The following TIMP2 variants were observed in gnomAD, a reference collection of about 807,000 sequenced individuals.
TIMP2 encodes metalloproteinase inhibitor 2.
A neutral mutation model predicts 24.3 loss-of-function variants in TIMP2; 5 were observed. That is an observed-to-expected ratio of 0.21 (90% CI 0.11 to 0.43). The LOEUF (loss-of-function observed/expected upper bound fraction) is 0.43, where lower values mean the gene tolerates loss of function less well. TIMP2 is among the 20% of genes least tolerant of loss of function. TIMP2 has a pLI of 1.00. For missense variants in TIMP2, 221 were observed against 297.5 expected, an observed-to-expected ratio of 0.74 and a Z score of 1.89; for synonymous variants, 130 against 123.2, an observed-to-expected ratio of 1.06 and a Z score of -0.37.
At chr17:78,918,072 A>G (rs954214969) in intron 1 of TIMP2, among the ~76,000 whole-genome samples, 1 of 106,190 alleles carries the variant, frequency 9.4e-6, no homozygotes, top group African/African-American at 3.5e-5. Flanking sequence ...ACAAACACAC[A>G]CACACACACA....
chr17:78,861,827 T>C (rs567722894), intron 3 of TIMP2, among the ~76,000 whole-genome samples: 1 of 152,240 alleles, frequency 6.6e-6, no homozygotes, highest in Non-Finnish European at 1.5e-5. Flanking sequence ...GGTCTTGAAC[T>C]CCTGACTTCA....
chr17:78,876,206 C>G (rs1256773967), intron 1 of TIMP2, among the ~76,000 whole-genome samples: 1 of 152,084 alleles, frequency 6.6e-6, no homozygotes, highest in East Asian at 1.9e-4. Context: ...AAAATATGAG[C>G]GCCTTTGCAA....
At chr17:78,923,398 G>GC (rs1329123602) in intron 1 of TIMP2, among the ~76,000 whole-genome samples, 1 of 59,510 alleles carries the variant, frequency 1.7e-5, no homozygotes, top group Non-Finnish European at 4.2e-5. Context: ...GGGCGGGGTG[G>GC]GGGGGGGGGC....
At chr17:78,888,446 C>T (rs2069846552) in intron 1 of TIMP2, among the ~76,000 whole-genome samples, 2 of 151,702 alleles carry the variant, frequency 1.3e-5, no homozygotes, top group African/African-American at 4.9e-5. Context: ...AGGTGTGAGC[C>T]ACCGCGTCCA....
At position 78,870,923 on chromosome 17, in the gene TIMP2, T is replaced by A; in HGVS notation, c.315A>T (p.Gly105=). ...CTGCAATGAGATATTCCTTCTTTCC[T>A]CCAACGTCCAGCGAGACCCCACACA... ...SAVCGVSLDV[G]GKKEYLIAGK... Residue 105 remains glycine (G), a synonymous_variant, in exon 3 of 5, where the codon GGA becomes GGT. Transcript: ENST00000262768. The A allele has an allele frequency of 3.7e-6, 6 of 1,613,762 alleles. No individual in the cohort carries two copies. Among genetic ancestry groups the A allele is most frequent in the Non-Finnish European group, 5.1e-6 (6 of 1,179,898 alleles).
At chr17:78,907,296 A>C (rs2070168819) in intron 1 of TIMP2, among the ~76,000 whole-genome samples, 1 of 152,164 alleles carries the variant, frequency 6.6e-6, no homozygotes, top group Admixed American at 6.5e-5. Context: ...TCAGCCTCCC[A>C]AAGTGCTGGA....
intron 3 of TIMP2, 56 bp downstream of exon 3, chr17:78,870,842 T>C (rs575582164): frequency 1.3e-6 from 2 of 1,500,490 alleles, no homozygotes; most frequent in Admixed American, 3.4e-5. Flanking sequence ...GGACCGCGTC[T>C]AGGAACAGCC....
At chr17:78,893,137 G>C (rs2069929826) in intron 1 of TIMP2, among the ~76,000 whole-genome samples, 1 of 150,594 alleles carries the variant, frequency 6.6e-6, no homozygotes, top group African/African-American at 2.4e-5. Context: ...GCAGGGGTGT[G>C]TGTGCGTACA....
At chr17:78,878,717 A>G in intron 1 of TIMP2, among the ~76,000 whole-genome samples, 1 of 149,618 alleles carries the variant, frequency 6.7e-6, no homozygotes, top group Admixed American at 6.6e-5. Flanking sequence ...AGATGCCTGC[A>G]GGGAAGTGGG....
At chr17:78,887,228 G>A (rs1051382634) in intron 1 of TIMP2, among the ~76,000 whole-genome samples, 1 of 152,244 alleles carries the variant, frequency 6.6e-6, no homozygotes, top group Non-Finnish European at 1.5e-5. Flanking sequence ...GCGTGCACTT[G>A]GGGTCCCACT....
At chr17:78,903,646 A>G (rs1396331348) in intron 1 of TIMP2, among the ~76,000 whole-genome samples, 1 of 152,196 alleles carries the variant, frequency 6.6e-6, no homozygotes, top group Non-Finnish European at 1.5e-5. Flanking sequence ...CGGGGGAAGA[A>G]AGAATCCCGT....
At chr17:78,878,484 G>A (rs1237185673) in intron 1 of TIMP2, among the ~76,000 whole-genome samples, 3 of 152,194 alleles carry the variant, frequency 2.0e-5, no homozygotes, top group Non-Finnish European at 4.4e-5. Context: ...TGAGGGATTG[G>A]GACGGTGGCA....
intron 3 of TIMP2, among the ~76,000 whole-genome samples, chr17:78,859,401 T>C (rs1470128579): frequency 1.3e-5 from 2 of 152,240 alleles, no homozygotes; most frequent in Non-Finnish European, 2.9e-5. Context: ...GGCTCATGCC[T>C]GTAATCCTAG....
At chr17:78,857,703 C>T (rs1052972832) in intron 3 of TIMP2, 57 bp from the exon 4 acceptor site, 31 of 1,609,216 alleles carry the variant, frequency 1.9e-5, no homozygotes, top group Middle Eastern at 1.8e-4. Context: ...TCCTCCTGCC[C>T]AGCTCCTCCA....
rs182865182 is a variant in TIMP2, at chr17:78,869,760, A to G, written c.340+1138T>C. On this transcript the variant is annotated intron_variant, in intron 3 of 4. Coordinates refer to ENST00000262768, the MANE Select transcript of TIMP2 (RefSeq NM_003255.5). ...AACCTGGGAAGCGGAGGTTGCAGTG[A>G]GCCGAGATAGTGCCATTGCACCCCA... 4.5e-3 allele frequency among the ~76,000 whole-genome samples: 691 copies of G among 152,242 alleles called. 2 individuals carry two copies. The highest frequency in any genetic ancestry group is 0.015 in the African/African-American group (631 of 41,548).
intron 1 of TIMP2, among the ~76,000 whole-genome samples, chr17:78,921,023 C>T (rs1056261081): frequency 6.6e-6 from 1 of 152,224 alleles, no homozygotes; most frequent in African/African-American, 2.4e-5. Flanking sequence ...ATACTTCGCA[C>T]AACGAGTTGC....
In TIMP2 at chr17:78,855,685, G is replaced by T; in HGVS notation, c.645C>A (p.Leu215=). The change falls in exon 5 of 5, where the codon CTC becomes CTA. Residue 215 remains leucine (L), a synonymous_variant. Coordinates refer to ENST00000262768, the MANE Select transcript of TIMP2 (RefSeq NM_003255.5). This position sits in a 1 kb window ranked among gnomAD's most constrained non-coding sequence, Gnocchi z 6.0. ...RGAAPPKQEF[L]DIEDP is the part of the protein sequence containing the mutation. Reference sequence around the variant, plus strand: ...GGCCTGCTTATGGGTCCTCGATGTCGAGAAACTCCTGCTTGGGGGGCGCCG... The same window carrying T: ...GGCCTGCTTATGGGTCCTCGATGTCTAGAAACTCCTGCTTGGGGGGCGCCG... 2 of 1,613,866 alleles carry T rather than the reference G, an allele frequency of 1.2e-6. No homozygotes were observed. Among genetic ancestry groups the T allele is most frequent in the South Asian group, 1.1e-5 (1 of 91,088 alleles).
chr17:78,921,994 C>T (rs951507268), intron 1 of TIMP2, among the ~76,000 whole-genome samples: 2 of 152,326 alleles, frequency 1.3e-5, no homozygotes, highest in South Asian at 2.1e-4. Context: ...CATAACAAGC[C>T]AGCCTTTATT....
At chr17:78,866,262 C>T (rs1192616387) in intron 3 of TIMP2, among the ~76,000 whole-genome samples, 4 of 152,172 alleles carry the variant, frequency 2.6e-5, no homozygotes, top group Non-Finnish European at 5.9e-5. Flanking sequence ...CTCTGCCACG[C>T]GCCACCGTGC....
Sources: allele counts gnomAD v4.1 joint callset (sites outside exome capture counted in the v4.1 genomes callset), GRCh38; gene constraint gnomAD v4.1.1; non-coding constraint Gnocchi (gnomAD v3.1); transcripts MANE v1.5; gene names NCBI Gene and HGNC (gene_info 2026-07-23, HGNC 2026-07-21).